DMD: variants seen among roughly 807,000 people sequenced by gnomAD.
DMD encodes dystrophin.
DMD carries 63 observed loss-of-function variants against 330.1 expected under a neutral mutation model. That is an observed-to-expected ratio of 0.19 (90% CI 0.16 to 0.24). The LOEUF is 0.24. Ranked by LOEUF, DMD falls within the 10% of genes least tolerant of loss-of-function variation. DMD has a pLI of 1.00. For missense variants in DMD, 3,344 were observed against 2,684.1 expected (o/e 1.25, Z -5.43); for synonymous variants, 1,223 against 959.8 (o/e 1.27, Z -5.07).
chrX:32,672,127 G>C (rs181210823), intron 9 of DMD, among the ~76,000 whole-genome samples: 68 of 111,255 alleles, frequency 6.1e-4, no homozygotes, highest in Non-Finnish European at 1.2e-3. Context: ...ATAAACTTTT[G>C]CTAAATTTTG....
At chrX:33,042,297 G>A (rs1411870018) in intron 1 of DMD, among the ~76,000 whole-genome samples, 1 of 111,692 alleles carries the variant, frequency 9.0e-6, no homozygotes, top group East Asian at 2.8e-4. Flanking sequence ...TACCCATTCT[G>A]TCACATTTTC....
At chrX:31,931,579 A>T (rs951466626) in intron 46 of DMD, among the ~76,000 whole-genome samples, 1 of 111,029 alleles carries the variant, frequency 9.0e-6, no homozygotes, top group African/African-American at 3.3e-5. Context: ...CTGATCTGGC[A>T]ATCCAGATCT....
chrX:31,587,759 C>T (rs2076682337), intron 55 of DMD, among the ~76,000 whole-genome samples: 1 of 111,298 alleles, frequency 9.0e-6, no homozygotes, highest in Non-Finnish European at 1.9e-5. Context: ...ACCTCTCTCC[C>T]CCCGTACTCT....
chrX:33,134,795 G>A (rs928790308), intron 1 of DMD, among the ~76,000 whole-genome samples: 3 of 111,581 alleles, frequency 2.7e-5, no homozygotes, highest in East Asian at 5.6e-4. Context: ...GAACAACTAC[G>A]TGGTAAGCCC....
At chrX:31,259,521 T>C (rs1030890682) in intron 63 of DMD, among the ~76,000 whole-genome samples, 2 of 111,932 alleles carry the variant, frequency 1.8e-5, no homozygotes, top group Non-Finnish European at 3.8e-5. Context: ...ACTTGAAAAT[T>C]AGCTGATCCC....
In DMD at chrX:31,169,501, C is replaced by G; in HGVS notation, c.10495G>C (p.Glu3499Gln). The G allele has an allele frequency of 8.3e-7, 1 of 1,201,825 alleles. No homozygotes were observed. The change falls in exon 74 of 79, where the codon GAG (glutamate) becomes CAG (glutamine). Residue 3499 changes from glutamate (E) to glutamine (Q), a missense_variant. Transcript: ENST00000357033. Reference protein sequence around the residue: ...RSPAQILISLESEERGELERI... With the variant: ...RSPAQILISLQSEERGELERI... ...TCTAGCTCCCCTCTTTCCTCACTCT[C>G]TAAGGAAATCAAGATCTGGGCAGGA...
At chrX:33,008,206 T>A (rs1169249966) in intron 2 of DMD, among the ~76,000 whole-genome samples, 2 of 111,506 alleles carry the variant, frequency 1.8e-5, no homozygotes, top group Admixed American at 9.6e-5. Context: ...TAAATTAGGA[T>A]ACAAATAAGC....
At chrX:32,832,922 G>T (rs1235692252) in intron 4 of DMD, among the ~76,000 whole-genome samples, 1 of 110,929 alleles carries the variant, frequency 9.0e-6, no homozygotes, top group African/African-American at 3.3e-5. Flanking sequence ...AATTATTTTT[G>T]ATTCAGATAT....
intron 30 of DMD, among the ~76,000 whole-genome samples, chrX:32,411,386 C>G (rs2098141319): frequency 9.0e-6 from 1 of 111,236 alleles, no homozygotes. Flanking sequence ...GCCTCAGCAT[C>G]CCAAAGGGCT....
chrX:32,619,979 TACC>T (rs2057872719), intron 11 of DMD, among the ~76,000 whole-genome samples: 1 of 111,182 alleles, frequency 9.0e-6, no homozygotes, highest in Non-Finnish European at 1.9e-5. Context: ...AAGAGAAAAG[TACC>T]ACAATCTCTG....
chrX:31,806,962 G>A (rs910470475), intron 50 of DMD, among the ~76,000 whole-genome samples: 10 of 111,739 alleles, frequency 8.9e-5, no homozygotes, highest in African/African-American at 2.6e-4. Flanking sequence ...GAAGAAATCC[G>A]GTATGTGAAG....
chrX:31,480,554 TTGTGTGTGTGTGTG>T (rs60621342), intron 57 of DMD, among the ~76,000 whole-genome samples: 2,813 of 91,304 alleles, frequency 0.031, 82 homozygotes, highest in African/African-American at 0.076. Context: ...ATCTCCATGT[TTGTGTGTGTGTGTG>T]TGTGTGTGTG....
chrX:32,335,584 T>C (rs2097703054), intron 41 of DMD, among the ~76,000 whole-genome samples: 1 of 105,811 alleles, frequency 9.5e-6, no homozygotes, highest in Non-Finnish European at 1.9e-5. Context: ...ATACATAACA[T>C]GTGTATGTTA....
At chrX:32,437,465 C>T (rs1053521521) in intron 29 of DMD, among the ~76,000 whole-genome samples, 1 of 89,017 alleles carries the variant, frequency 1.1e-5, no homozygotes, top group Admixed American at 1.1e-4. Context: ...TAGTTACTAC[C>T]CCCCCTTATT....
chrX:32,756,185 TCAA>T (rs1220954960), intron 7 of DMD: 1 of 112,218 alleles, frequency 8.9e-6, no homozygotes, highest in African/African-American at 3.2e-5. Context: ...CCATTCCGGC[TCAA>T]CAAGAAATTC....
intron 7 of DMD, among the ~76,000 whole-genome samples, chrX:32,782,442 G>A (rs1446345467): frequency 8.9e-6 from 1 of 111,895 alleles, no homozygotes; most frequent in Non-Finnish European, 1.9e-5. Flanking sequence ...CCAGGGAGTT[G>A]GAACAGCAAG....
At chrX:32,515,250 G>A (rs2045744097) in intron 18 of DMD, among the ~76,000 whole-genome samples, 2 of 111,571 alleles carry the variant, frequency 1.8e-5, no homozygotes, top group Admixed American at 1.9e-4. Flanking sequence ...GGAAAAGAAA[G>A]TGCAATAGAG....
At chrX:32,989,056 A>G (rs1345166296) in intron 2 of DMD, among the ~76,000 whole-genome samples, 8 of 111,699 alleles carry the variant, frequency 7.2e-5, no homozygotes, top group African/African-American at 2.6e-4. Flanking sequence ...ATAAAGTGGA[A>G]CAAAATGTGT....
chrX:33,261,627 A>AACAC (rs56984530), intron 1 of DMD, among the ~76,000 whole-genome samples: 14,943 of 88,848 alleles, frequency 0.17, 1,091 homozygotes, highest in African/African-American at 0.19. Context: ...ATACGGGAAG[A>AACAC]ACACACACAC....
Sources: allele counts gnomAD v4.1 joint callset (sites outside exome capture counted in the v4.1 genomes callset), GRCh38; gene constraint gnomAD v4.1.1; transcripts MANE v1.5; gene names NCBI Gene and HGNC (gene_info 2026-07-23, HGNC 2026-07-21).